CEP78: variants seen among roughly 807,000 people sequenced by gnomAD.
CEP78 encodes centrosomal protein of 78 kDa.
In CEP78, 76 loss-of-function variants were observed where a neutral mutation model predicts 81.2. That is an observed-to-expected ratio of 0.94 (90% CI 0.78 to 1.13). The LOEUF (loss-of-function observed/expected upper bound fraction) is 1.13, where lower values mean the gene tolerates loss of function less well. CEP78 is among the 50% of genes most tolerant of loss of function. CEP78 has a pLI of 0.00. For synonymous variants in CEP78, 293 were observed against 301.4 expected (o/e 0.97, Z 0.29); for missense variants, 918 against 846.8 (o/e 1.08, Z -1.04).
At chr9:78,261,459 T>C (rs1466703083) in intron 11 of CEP78, among the ~76,000 whole-genome samples, 2 of 152,188 alleles carry the variant, frequency 1.3e-5, no homozygotes, top group African/African-American at 2.4e-5. Context: ...TCATTAGTCG[T>C]TTTTAAGTAG....
intron 12 of CEP78, 170 bp from the exon 13 acceptor site, chr9:78,263,980 G>T (rs978242481): frequency 7.4e-6 from 3 of 404,822 alleles, no homozygotes; most frequent in Non-Finnish European, 1.3e-5. Context: ...GGTTTTGTCA[G>T]TTATCTCCAG....
intron 8 of CEP78, 21 bp from the exon 9 acceptor site, chr9:78,251,887 T>G: frequency 1.9e-6 from 3 of 1,595,302 alleles, no homozygotes; most frequent in Non-Finnish European, 2.6e-6. Flanking sequence ...TGATTCTTTC[T>G]TTTTAACACT....
rs534212313 is a variant in CEP78 at position 78,266,124 on chromosome 9, A to G, written c.1845+218A>G. ...AACTGACGACTTGAAAACTCAGTCT[A>G]CTTATAAATTGGATACTGCTTACAT... On this transcript the variant is annotated intron_variant, in intron 15 of 16. Coordinates refer to ENST00000643273, the MANE Select transcript of CEP78 (RefSeq NM_001330691.3). Among the ~76,000 whole-genome samples, 8 of 152,192 alleles carry G rather than the reference A, an allele frequency of 5.3e-5. No homozygotes were observed. In the East Asian group the frequency reaches 5.8e-4, roughly 11 times the overall value.
chr9:78,246,713 G>T lies in CEP78; in HGVS notation c.823G>T (p.Ala275Ser), dbSNP rs1826502965. 2 of 1,611,280 alleles carry T rather than the reference G, an allele frequency of 1.2e-6. No individual in the cohort carries two copies. The highest frequency in any genetic ancestry group is 1.3e-5 in the African/African-American group (1 of 74,852). Residue 275 changes from alanine to serine, a missense_variant, in exon 6 of 17, where the codon GCT becomes TCT. Transcript: ENST00000643273. ...CGGCCTCACCAATGAAGGAGCAAAG[G>T]CTTTGCTAGAGGCCCTTGAAACCAA... ...QCGLTNEGAK[A>S]LLEALETNTT...
chr9:78,278,219 A>G lies in CEP78; in HGVS notation c.*7368A>G, dbSNP rs1317242419. Reference sequence around the variant, plus strand: ...TTCCTTTTCATCATAGAAAATGAAAATGTGTACTCTGTTATCCTTTACGCT... The same window carrying G: ...TTCCTTTTCATCATAGAAAATGAAAGTGTGTACTCTGTTATCCTTTACGCT... On this transcript the variant is annotated 3_prime_UTR_variant, in exon 17 of 17. Coordinates refer to ENST00000643273, the MANE Select transcript of CEP78 (RefSeq NM_001330691.3). 2 of 152,212 alleles carry G rather than the reference A, an allele frequency of 1.3e-5. No homozygotes were observed. Among genetic ancestry groups the G allele is most frequent in the African/African-American group, 4.8e-5 (2 of 41,466 alleles). 9.4% of individuals were successfully genotyped at this position (152,212 alleles called of 1,614,324 possible).
chr9:78,237,525 G>C (rs1309800134), intron 1 of CEP78, among the ~76,000 whole-genome samples: 1 of 152,158 alleles, frequency 6.6e-6, no homozygotes, highest in Non-Finnish European at 1.5e-5. Flanking sequence ...TTGTGCAAAA[G>C]TTTTGGAAAT....
At chr9:78,255,494 C>G (rs1271656529) in intron 11 of CEP78, among the ~76,000 whole-genome samples, 1 of 152,112 alleles carries the variant, frequency 6.6e-6, no homozygotes, top group Non-Finnish European at 1.5e-5. Context: ...AAGATCAAGG[C>G]TCAGGCAGAT....
chr9:78,253,111 T>G (rs1826841281), intron 9 of CEP78, 121 bp from the exon 10 acceptor site: 4 of 610,550 alleles, frequency 6.6e-6, no homozygotes, highest in South Asian at 4.2e-5. Flanking sequence ...TTGGAAGTGA[T>G]TTATCTCTAT....
At chr9:78,246,456 C>T (rs1386495247) in intron 5 of CEP78, among the ~76,000 whole-genome samples, 1 of 152,130 alleles carries the variant, frequency 6.6e-6, no homozygotes, top group African/African-American at 2.4e-5. Context: ...AAAAATTAGC[C>T]ATGCGTGGTG....
chr9:78,252,304 A>G (rs1826803286), intron 9 of CEP78, among the ~76,000 whole-genome samples: 1 of 152,220 alleles, frequency 6.6e-6, no homozygotes, highest in Non-Finnish European at 1.5e-5. Flanking sequence ...TGCAGGTGAG[A>G]AAAGGTTTCA....
intron 10 of CEP78, chr9:78,253,511 A>G (rs1826864888): frequency 2.3e-6 from 1 of 428,082 alleles, no homozygotes; most frequent in Non-Finnish European, 4.2e-6. Flanking sequence ...CTCTGGGTCC[A>G]CAAATCAGCT....
Position 78,273,233 on chromosome 9 carries a change from C to G in CEP78, c.*2382C>G, listed in dbSNP as rs1389045198. On this transcript the variant is annotated 3_prime_UTR_variant, in exon 17 of 17. Coordinates refer to ENST00000643273, the MANE Select transcript of CEP78 (RefSeq NM_001330691.3). ...TAAAAACATGAAATCCCACTGTGTGCTATTTGCAAAATCTAAAACGCTGTC... is the reference window on the plus strand; with the variant it reads ...TAAAAACATGAAATCCCACTGTGTGGTATTTGCAAAATCTAAAACGCTGTC... 7 of 152,104 alleles carry G rather than the reference C, an allele frequency of 4.6e-5. No homozygotes were observed. The highest frequency in any genetic ancestry group is 1.2e-4 in the African/African-American group (5 of 41,422). 9.4% of individuals were successfully genotyped at this position (152,104 alleles called of 1,614,324 possible). A position where few individuals can be genotyped will look rare whatever the true frequency, so the allele number is the denominator to read the frequency against.
intron 13 of CEP78, among the ~76,000 whole-genome samples, chr9:78,265,136 A>G (rs984053973): frequency 6.6e-6 from 1 of 152,208 alleles, no homozygotes; most frequent in Admixed American, 6.5e-5. Flanking sequence ...GGTATCTAAT[A>G]CATTGTTGGG....
intron 9 of CEP78, 73 bp downstream of exon 9, chr9:78,252,116 A>G: frequency 1.5e-6 from 2 of 1,323,716 alleles, no homozygotes; most frequent in Admixed American, 2.1e-5. Context: ...AGCTTCTATT[A>G]TGTGAGAGTT....
intron 7 of CEP78, 71 bp from the exon 8 acceptor site, chr9:78,248,691 A>G: frequency 4.9e-6 from 4 of 820,762 alleles, no homozygotes; most frequent in Non-Finnish European, 7.8e-6. Context: ...TATCTTAACA[A>G]TTTCCATTTA....
chr9:78,256,898 T>A (rs897043674), intron 11 of CEP78, among the ~76,000 whole-genome samples: 1 of 152,160 alleles, frequency 6.6e-6, no homozygotes, highest in Non-Finnish European at 1.5e-5. Context: ...TAAAAAGGAA[T>A]AGCAGAAAGC....
intron 11 of CEP78, among the ~76,000 whole-genome samples, chr9:78,256,541 T>A (rs561331428): frequency 2.9e-3 from 422 of 144,332 alleles, no homozygotes; most frequent in African/African-American, 0.01. Flanking sequence ...TTTTTTTTTT[T>A]TTTTTTTTTG....
chr9:78,264,051 T>G, intron 12 of CEP78, 99 bp from the exon 13 acceptor site: 1 of 883,974 alleles, frequency 1.1e-6, no homozygotes, highest in Non-Finnish European at 1.6e-6. Context: ...TAACTGCAAA[T>G]TAATTACATT....
chr9:78,276,757 T>C lies in CEP78; in HGVS notation c.*5906T>C, dbSNP rs1330092694. ...TATAAATAAAAGGATAAATCTATGC[T>C]AGAGGGTATAAAAGAAACACAAAAA... On this transcript the variant is annotated 3_prime_UTR_variant, in exon 17 of 17. Coordinates refer to ENST00000643273, the MANE Select transcript of CEP78 (RefSeq NM_001330691.3). 3 of 152,254 alleles carry C rather than the reference T, an allele frequency of 2.0e-5. No homozygotes were observed. Among genetic ancestry groups the C allele is most frequent in the African/African-American group, 7.2e-5 (3 of 41,564 alleles). The allele number at this position is 152,254 out of a possible 1,614,324, so 9.4% of individuals were successfully genotyped here.
Sources: gnomAD v4.1 joint callset for allele counts (sites outside exome capture counted in the v4.1 genomes callset) on GRCh38, gnomAD v4.1.1 for gene constraint, MANE v1.5 for transcripts, NCBI Gene and HGNC (gene_info 2026-07-23, HGNC 2026-07-21) for gene names.